The following RPS6KA1 variants were observed in gnomAD, a reference collection of about 807,000 sequenced individuals.
RPS6KA1 encodes the protein ribosomal protein S6 kinase alpha-1.
A neutral mutation model predicts 91.3 loss-of-function variants in RPS6KA1; 48 were observed. The ratio of observed to expected loss-of-function variants is 0.53; its 90% CI spans 0.42 to 0.67. The LOEUF (loss-of-function observed/expected upper bound fraction) is 0.67. Ranked by LOEUF, RPS6KA1 falls within the 30% of genes least tolerant of loss-of-function variation. The probability of loss-of-function intolerance (pLI) is 0.00; values close to 1 mark genes in which losing one functional copy is unlikely to be tolerated. For synonymous variants in RPS6KA1, 359 were observed against 384.7 expected (o/e 0.93, Z 0.78); for missense variants, 719 against 960.5 (o/e 0.75, Z 3.32).
At chr1:26,570,510 A>G (rs2076240057) in intron 17 of RPS6KA1, among the ~76,000 whole-genome samples, 1 of 152,064 alleles carries the variant, frequency 6.6e-6, no homozygotes, top group South Asian at 2.1e-4. Context: ...AAAAAGCCTT[A>G]CAGAGTGTGG....
Position 26,540,307 on chromosome 1 carries a change from G to T in RPS6KA1, c.108+3338G>T, listed in dbSNP as rs765810673. The stretch of plus-strand genomic sequence containing the variant: ...TTCAGACAGGGAAACAGATTTGCCC[G>T]GGAGCACCCAGCTAGTGAGTGGCCA... On this transcript the variant is annotated intron_variant, in intron 2 of 21. Coordinates refer to ENST00000374168, the MANE Select transcript of RPS6KA1 (RefSeq NM_002953.4). This position sits in a 1 kb window ranked among gnomAD's most constrained non-coding sequence, Gnocchi z 4.2. Among the ~76,000 whole-genome samples the T allele has an allele frequency of 6.6e-6, 1 of 152,164 alleles. No homozygotes were observed. The highest frequency in any genetic ancestry group is 1.5e-5 in the Non-Finnish European group (1 of 68,030).
At chr1:26,566,020 T>C (rs1428112497) in intron 17 of RPS6KA1, among the ~76,000 whole-genome samples, 1 of 152,192 alleles carries the variant, frequency 6.6e-6, no homozygotes, top group Non-Finnish European at 1.5e-5. Flanking sequence ...CACCAGATGG[T>C]TACTAGATTG....
At chr1:26,562,136 G>A (rs909260929) in intron 17 of RPS6KA1, among the ~76,000 whole-genome samples, 1 of 152,042 alleles carries the variant, frequency 6.6e-6, no homozygotes, top group Admixed American at 6.6e-5. Flanking sequence ...CCCGGGAGGC[G>A]GAGGTTGCAG....
Position 26,574,595 on chromosome 1 carries a change from C to T in RPS6KA1, c.*394C>T. 5.0e-6 allele frequency: 2 copies of T among 397,074 alleles called. No individual in the cohort carries two copies. Among genetic ancestry groups the T allele is most frequent in the South Asian group, 1.9e-5 (1 of 52,446 alleles). 24.6% of individuals were successfully genotyped at this position (397,074 alleles called of 1,614,324 possible). ...GCTTTGGGATCCCACCCTGGGGACC[C>T]CCACGATTGGCCACCTGTAGCCATC... On this transcript the variant is annotated 3_prime_UTR_variant, in exon 22 of 22. Coordinates refer to ENST00000374168, the MANE Select transcript of RPS6KA1 (RefSeq NM_002953.4). The surrounding 1 kb of genome is among the most constrained non-coding windows in gnomAD (Gnocchi z 4.3).
chr1:26,565,065 T>C (rs2076187333), intron 17 of RPS6KA1, among the ~76,000 whole-genome samples: 1 of 152,094 alleles, frequency 6.6e-6, no homozygotes, highest in African/African-American at 2.4e-5. Flanking sequence ...GATAACCACT[T>C]GGTGAGGATG....
chr1:26,569,138 C>A (rs1570463308), intron 17 of RPS6KA1, among the ~76,000 whole-genome samples: 2 of 151,220 alleles, frequency 1.3e-5, no homozygotes, highest in Non-Finnish European at 2.9e-5. Context: ...TTGCAGTGAT[C>A]CAAGATTGTG....
intron 6 of RPS6KA1, among the ~76,000 whole-genome samples, chr1:26,552,488 A>ATT (rs550677346): frequency 5.1e-4 from 61 of 119,924 alleles, no homozygotes; most frequent in Middle Eastern, 4.5e-3. Context: ...TTTAATTGTA[A>ATT]TTTTTTTTTT....
intron 2 of RPS6KA1, chr1:26,543,977 G>A: frequency 2.3e-6 from 1 of 427,210 alleles, no homozygotes; most frequent in Non-Finnish European, 4.8e-6. Flanking sequence ...CTAGGGAAAT[G>A]GGAGATCTCA....
At chr1:26,567,918 A>G (rs192864815) in intron 17 of RPS6KA1, among the ~76,000 whole-genome samples, 29 of 152,220 alleles carry the variant, frequency 1.9e-4, no homozygotes, top group African/African-American at 7.0e-4. Context: ...CACAGCTGTG[A>G]GTGGATAGTA....
chr1:26,569,787 G>C lies in RPS6KA1; in HGVS notation c.1591-1662G>C, dbSNP rs564956697. 1.7e-3 allele frequency among the ~76,000 whole-genome samples: 258 copies of C among 152,288 alleles called. 1 individual carries two copies. The highest frequency in any genetic ancestry group is 0.014 in the South Asian group (68 of 4,828). On this transcript the variant is annotated intron_variant, in intron 17 of 21. Coordinates refer to ENST00000374168, the MANE Select transcript of RPS6KA1 (RefSeq NM_002953.4). Reference sequence around the variant, plus strand: ...CCTGCACTGGGTGCTGAAGGTGAACGGGCATTCCACAGACATAGGGTTATG... The same window carrying C: ...CCTGCACTGGGTGCTGAAGGTGAACCGGCATTCCACAGACATAGGGTTATG...
chr1:26,552,979 A>G (rs1272702869), intron 6 of RPS6KA1: 1 of 264,098 alleles, frequency 3.8e-6, no homozygotes, highest in African/African-American at 2.3e-5. Context: ...TCCTACCCCC[A>G]TTTCCTTATG....
chr1:26,539,445 G>A (rs750159941), intron 2 of RPS6KA1, among the ~76,000 whole-genome samples: 13 of 152,204 alleles, frequency 8.5e-5, no homozygotes, highest in Non-Finnish European at 1.8e-4. Flanking sequence ...GGGATTCTGA[G>A]TTCAGAATCC....
chr1:26,547,054 G>A lies in RPS6KA1; in HGVS notation c.225+71G>A, dbSNP rs2076001210. On this transcript the variant is annotated intron_variant, in intron 3 of 21. Transcript: ENST00000374168. This position sits in a 1 kb window ranked among gnomAD's most constrained non-coding sequence, Gnocchi z 4.1. ...GAGGTGGGGGTCAAGGGTCACCTAG[G>A]GGCCCAAAGGATCAGAGGTCACCTT... 6.6e-7 allele frequency: 1 copy of A among 1,521,656 alleles called. No individual in the cohort carries two copies. Among genetic ancestry groups the A allele is most frequent in the South Asian group, 1.1e-5 (1 of 89,138 alleles). The allele number at this position is 1,521,656 out of a possible 1,614,324, so 94.3% of individuals were successfully genotyped here.
At chr1:26,536,829 A>G (rs2124614954) in intron 1 of RPS6KA1, 96 bp from the exon 2 acceptor site, 1 of 1,407,230 alleles carries the variant, frequency 7.1e-7, no homozygotes, top group Non-Finnish European at 1.0e-6. Flanking sequence ...CTCCATGGCT[A>G]TTGGGAGCAC....
chr1:26,531,341 C>T (rs529775128), intron 1 of RPS6KA1: 1 of 152,488 alleles, frequency 6.6e-6, no homozygotes, highest in Non-Finnish European at 1.5e-5. Flanking sequence ...TACTGCCACC[C>T]CGCTACTAGG....
In RPS6KA1 at chr1:26,572,313, G is replaced by A. The variant is rs375784398; in HGVS notation, c.1947+20G>A. On this transcript the variant is annotated intron_variant, in intron 20 of 21. Transcript: ENST00000374168. The stretch of plus-strand genomic sequence containing the variant: ...GCCAAGGTGAGTCTGTACGGCCTGC[G>A]TGGGCTTATTTGGAGGAGGGAGGCA... 3.0e-5 allele frequency: 47 copies of A among 1,563,344 alleles called. No individual in the cohort carries two copies. Among genetic ancestry groups the A allele is most frequent in the Non-Finnish European group, 4.1e-5 (46 of 1,134,202 alleles).
Position 26,571,475 on chromosome 1 carries a change from C to T in RPS6KA1, c.1617C>T (p.Ser539=), listed in dbSNP as rs373074678. The change falls in exon 18 of 22, where the codon AGC becomes AGT. Residue 539 remains serine, a synonymous_variant. Transcript: ENST00000374168. This position sits in a 1 kb window ranked among gnomAD's most constrained non-coding sequence, Gnocchi z 5.1. ...TTGTGCACAGGGACCTGAAGCCCAG[C>T]AACATCCTGTATGTGGACGAGTCCG... The part of the protein sequence containing the change: ...QGVVHRDLKP[S]NILYVDESGN... 2 of 1,614,080 alleles carry T rather than the reference C, an allele frequency of 1.2e-6. No individual in the cohort carries two copies. Among genetic ancestry groups the T allele is most frequent in the African/African-American group, 2.7e-5 (2 of 74,932 alleles).
At position 26,574,216 on chromosome 1, in the gene RPS6KA1, C is replaced by G. The variant is rs145772599; in HGVS notation, c.*15C>G. On this transcript the variant is annotated 3_prime_UTR_variant, in exon 22 of 22. Coordinates refer to ENST00000374168, the MANE Select transcript of RPS6KA1 (RefSeq NM_002953.4). The surrounding 1 kb of genome is among the most constrained non-coding windows in gnomAD (Gnocchi z 4.3). ...CCACCCTGTGAGGCACCAGGGCATT[C>G]GGGCCACAGGGCGGTGCTAGCTTGA... 2.5e-6 allele frequency: 4 copies of G among 1,613,776 alleles called. No homozygotes were observed. The highest frequency in any genetic ancestry group is 3.4e-6 in the Non-Finnish European group (4 of 1,179,930).
Position 26,571,945 on chromosome 1 carries a change from A to T in RPS6KA1, c.1829+20A>T. The T allele has an allele frequency of 6.2e-7, 1 of 1,604,742 alleles. No homozygotes were observed. The highest frequency in any genetic ancestry group is 8.5e-7 in the Non-Finnish European group (1 of 1,174,864). ...GGCAGGGTGAGTGCCCCTGGCCTGGACCCTTCCCCACTCCTGCAGCCCTAG... is the reference window on the plus strand; with the variant it reads ...GGCAGGGTGAGTGCCCCTGGCCTGGTCCCTTCCCCACTCCTGCAGCCCTAG... On this transcript the variant is annotated intron_variant, in intron 19 of 21. Transcript: ENST00000374168. The surrounding 1 kb of genome is among the most constrained non-coding windows in gnomAD (Gnocchi z 5.1).
Sources: gnomAD v4.1 joint callset for allele counts (sites outside exome capture counted in the v4.1 genomes callset) on GRCh38, gnomAD v4.1.1 for gene constraint, Gnocchi (gnomAD v3.1) non-coding constraint, MANE v1.5 for transcripts, NCBI Gene and HGNC (gene_info 2026-07-23, HGNC 2026-07-21) for gene names.